MSI2: variants seen among roughly 807,000 people sequenced by gnomAD.
MSI2 encodes RNA-binding protein Musashi homolog 2.
A neutral mutation model predicts 45.6 loss-of-function variants in MSI2; 17 were observed. The observed-to-expected ratio is 0.37, with a 90% confidence interval of 0.26 to 0.56. The LOEUF is 0.56. Ranked by LOEUF, MSI2 falls within the 20% of genes least tolerant of loss-of-function variation. MSI2 has a pLI of 0.77. For synonymous variants in MSI2, 156 were observed against 158.2 expected (o/e 0.99, Z 0.11); for missense variants, 293 against 444.2 (o/e 0.66, Z 3.06).
chr17:57,298,291 C>T (rs551938417), intron 5 of MSI2, among the ~76,000 whole-genome samples: 1 of 152,318 alleles, frequency 6.6e-6, no homozygotes, highest in Non-Finnish European at 1.5e-5. Flanking sequence ...ATACCTCCAT[C>T]AGAGCTCTTG....
At chr17:57,313,032 A>G (rs2143617470) in intron 5 of MSI2, among the ~76,000 whole-genome samples, 1 of 152,106 alleles carries the variant, frequency 6.6e-6, no homozygotes, top group South Asian at 2.1e-4. Context: ...TTTTTAGTAG[A>G]GACGGGGTTT....
intron 6 of MSI2, among the ~76,000 whole-genome samples, chr17:57,492,358 G>A (rs2085890488): frequency 6.6e-6 from 1 of 152,184 alleles, no homozygotes; most frequent in African/African-American, 2.4e-5. Flanking sequence ...ATGTCCTCCG[G>A]GTCCCTTTAA....
Position 57,280,403 on chromosome 17 carries a change from G to A in MSI2, c.312+18211G>A, listed in dbSNP as rs1315234230. Among the ~76,000 whole-genome samples the A allele has an allele frequency of 6.6e-6, 1 of 152,216 alleles. No individual in the cohort carries two copies. The highest frequency in any genetic ancestry group is 1.5e-5 in the Non-Finnish European group (1 of 68,040). On this transcript the variant is annotated intron_variant, in intron 5 of 13. Coordinates refer to ENST00000284073, the MANE Select transcript of MSI2 (RefSeq NM_138962.4). The surrounding 1 kb of genome is among the most constrained non-coding windows in gnomAD (Gnocchi z 4.2). ...GTGATCCACTTGAGGAAGGATGGCT[G>A]CTTAGCTGAGTTCTTGGAGGTAGTG...
intron 6 of MSI2, among the ~76,000 whole-genome samples, chr17:57,513,270 G>A (rs909133316): frequency 6.6e-6 from 1 of 152,070 alleles, no homozygotes; most frequent in Non-Finnish European, 1.5e-5. Flanking sequence ...CACCACGCTC[G>A]GCTGAATTAG....
intron 5 of MSI2, among the ~76,000 whole-genome samples, chr17:57,334,908 A>G (rs1914573019): frequency 6.6e-6 from 1 of 152,048 alleles, no homozygotes; most frequent in Non-Finnish European, 1.5e-5. Flanking sequence ...CTGAACTATG[A>G]ATTTAATGGC....
chr17:57,624,739 C>G (rs531499680), intron 9 of MSI2, among the ~76,000 whole-genome samples: 1 of 152,240 alleles, frequency 6.6e-6, no homozygotes, highest in Non-Finnish European at 1.5e-5. Context: ...TGGGAAGGTT[C>G]TGGGGGAAGC....
intron 5 of MSI2, among the ~76,000 whole-genome samples, chr17:57,386,112 G>A (rs2083681904): frequency 1.3e-5 from 2 of 152,108 alleles, no homozygotes; most frequent in African/African-American, 2.4e-5. Context: ...GTCACCAATG[G>A]TCTTTTTTAG....
intron 5 of MSI2, among the ~76,000 whole-genome samples, chr17:57,269,708 G>A (rs751474033): frequency 2.0e-5 from 3 of 152,166 alleles, no homozygotes; most frequent in African/African-American, 4.8e-5. Context: ...ACCTCACCAT[G>A]TGTAGACAGT....
At position 57,675,508 on chromosome 17, in the gene MSI2, C is replaced by G. The variant is rs376856199; in HGVS notation, c.945+382C>G. 2.0e-5 allele frequency among the ~76,000 whole-genome samples: 3 copies of G among 152,218 alleles called. No homozygotes were observed. The South Asian group carries it at 6.2e-4, about 32-fold the overall frequency. On this transcript the variant is annotated intron_variant, in intron 12 of 13. Transcript: ENST00000284073. Reference sequence around the variant, plus strand: ...TTCGAAACAGTGTCCCACGCTGGCACGTAATAGGGCCTCAGTAGTGGCCAC... The same window carrying G: ...TTCGAAACAGTGTCCCACGCTGGCAGGTAATAGGGCCTCAGTAGTGGCCAC...
intron 7 of MSI2, among the ~76,000 whole-genome samples, chr17:57,578,425 T>G (rs2088108950): frequency 6.6e-6 from 1 of 152,068 alleles, no homozygotes; most frequent in African/African-American, 2.4e-5. Flanking sequence ...CTGAAGGAGC[T>G]GCAAAGACAG....
chr17:57,648,163 GTGTGTGTGTGTGTGTGTGTT>G (rs1910837816), intron 10 of MSI2, among the ~76,000 whole-genome samples: 1 of 149,640 alleles, frequency 6.7e-6, no homozygotes, highest in African/African-American at 2.5e-5. Context: ...GTGTGTGTGT[GTGTGTGTGTGTGTGTGTGTT>G]TGTAGTGACA....
intron 5 of MSI2, among the ~76,000 whole-genome samples, chr17:57,344,477 C>G (rs1915425275): frequency 6.6e-6 from 1 of 152,168 alleles, no homozygotes. Flanking sequence ...TTGTGTCTCC[C>G]CTGCTCCAGA....
chr17:57,563,720 T>A (rs2087647767), intron 7 of MSI2, among the ~76,000 whole-genome samples: 1 of 145,652 alleles, frequency 6.9e-6, no homozygotes, highest in African/African-American at 2.7e-5. Context: ...TCTCTCTCTC[T>A]TTCCCTCTCA....
chr17:57,638,430 C>CTG (rs1909998334), intron 10 of MSI2, among the ~76,000 whole-genome samples: 1 of 152,278 alleles, frequency 6.6e-6, no homozygotes, highest in Non-Finnish European at 1.5e-5. Context: ...AATTCAGAGC[C>CTG]TGAAGGAGCA....
chr17:57,333,193 G>A (rs1009370883), intron 5 of MSI2, among the ~76,000 whole-genome samples: 75 of 152,162 alleles, frequency 4.9e-4, no homozygotes, highest in African/African-American at 1.6e-3. Context: ...TCCTCATAGC[G>A]TTGCTGTGAG....
chr17:57,376,351 G>A (rs559889933), intron 5 of MSI2, among the ~76,000 whole-genome samples: 1 of 152,332 alleles, frequency 6.6e-6, no homozygotes, highest in South Asian at 2.1e-4. Context: ...CAGACAGCAG[G>A]TCTGGGAACC....
intron 5 of MSI2, among the ~76,000 whole-genome samples, chr17:57,295,289 G>T (rs1049732444): frequency 6.6e-6 from 1 of 152,120 alleles, no homozygotes; most frequent in African/African-American, 2.4e-5. Context: ...TGCTTAGGGA[G>T]ATGGCTGACA....
At position 57,555,240 on chromosome 17, in the gene MSI2, C is replaced by G. The variant is rs116421339; in HGVS notation, c.454+25516C>G. 4.5e-3 allele frequency among the ~76,000 whole-genome samples: 677 copies of G among 151,934 alleles called. 2 individuals carry two copies. Among genetic ancestry groups the G allele is most frequent in the African/African-American group, 0.015 (643 of 41,560 alleles). On this transcript the variant is annotated intron_variant, in intron 7 of 13. Coordinates refer to ENST00000284073, the MANE Select transcript of MSI2 (RefSeq NM_138962.4). ...GCTCTGGGTCGCCCTGTCCTCTGCACCCACCGCCATGCTCTGTTTCAGACA... is the reference window on the plus strand; with the variant it reads ...GCTCTGGGTCGCCCTGTCCTCTGCAGCCACCGCCATGCTCTGTTTCAGACA...
At chr17:57,516,454 G>T (rs541623387) in intron 6 of MSI2, among the ~76,000 whole-genome samples, 2 of 152,230 alleles carry the variant, frequency 1.3e-5, no homozygotes, top group Admixed American at 1.3e-4. Context: ...TTATTTGCAT[G>T]CGACCCATTG....
Sources: allele counts gnomAD v4.1 joint callset (sites outside exome capture counted in the v4.1 genomes callset), GRCh38; gene constraint gnomAD v4.1.1; non-coding constraint Gnocchi (gnomAD v3.1); transcripts MANE v1.5; gene names NCBI Gene and HGNC (gene_info 2026-07-23, HGNC 2026-07-21).